Variants in LMBRD1 observed in about 807,000 individuals in gnomAD.
LMBRD1 encodes the protein LMBR1 domain containing 1, also known as lysosomal cobalamin transport escort protein LMBD1.
In LMBRD1, 64 loss-of-function variants were observed where a neutral mutation model predicts 74.8. The observed-to-expected ratio is 0.86, with a 90% CI of 0.70 to 1.05. LMBRD1 has a LOEUF of 1.05. Ranked by LOEUF, LMBRD1 falls within the 50% of genes least tolerant of loss-of-function variation. LMBRD1 has a pLI of 0.00. For missense variants in LMBRD1, 652 were observed against 645.9 expected, an observed-to-expected ratio of 1.01 and a Z score of -0.10; for synonymous variants, 204 against 216.3, an observed-to-expected ratio of 0.94 and a Z score of 0.50.
intron 7 of LMBRD1, among the ~76,000 whole-genome samples, chr6:69,720,677 A>T (rs1766595305): frequency 6.6e-6 from 1 of 152,218 alleles, no homozygotes; most frequent in African/African-American, 2.4e-5. Context: ...ATGAAACAAG[A>T]TGGTGGAATA....
At chr6:69,785,008 C>T (rs1765916651) in intron 2 of LMBRD1, among the ~76,000 whole-genome samples, 1 of 152,152 alleles carries the variant, frequency 6.6e-6, no homozygotes, top group African/African-American at 2.4e-5. Context: ...TTCTTCCTTA[C>T]TTCTCTGTCC....
chr6:69,740,100 C>T lies in LMBRD1; in HGVS notation c.562+1689G>A, dbSNP rs181777067. On this transcript the variant is annotated intron_variant, in intron 6 of 15. Transcript: ENST00000649934. ...TAGCCGGGGTGACAGAGCAAGACTC[C>T]GTCTCAATCAATCAATCAATCAATC... Among the ~76,000 whole-genome samples, 1,167 of 147,098 alleles carry T rather than the reference C, an allele frequency of 7.9e-3. 6 individuals carry two copies. The highest frequency in any genetic ancestry group is 0.02 in the Middle Eastern group (6 of 294).
Position 69,749,398 on chromosome 6 carries a change from G to A in LMBRD1, c.416C>T (p.Thr139Met), listed in dbSNP as rs767657325. ...DDTSKCTQIK[T>M]ALKYTLGFVV... ...AAATCCCAAAGTATACTTGAGTGCC[G>A]TTTTAATTTGCTAGATGCCAAGGAG... Residue 139 changes from threonine (T) to methionine (M), a missense_variant, in exon 5 of 16, where the codon ACG becomes ATG. Thr to Met is a moderately conservative substitution (Grantham distance 81, BLOSUM62 -1). This residue lies in a region of LMBRD1 where 598 missense variants were observed against 581.8 expected (regional missense o/e 1.03). Coordinates refer to ENST00000649934, the MANE Select transcript of LMBRD1 (RefSeq NM_018368.4). 156 of 1,611,254 alleles carry A rather than the reference G, an allele frequency of 9.7e-5. 3 individuals carry two copies. The highest frequency in any genetic ancestry group is 8.8e-4 in the South Asian group (80 of 90,982).
At chr6:69,676,425 T>TCACGCG (rs1246436049) in intron 15 of LMBRD1, 25 bp downstream of exon 15, 1 of 1,601,244 alleles carries the variant, frequency 6.2e-7, no homozygotes, top group Non-Finnish European at 8.6e-7. Flanking sequence ...GAAGGTCAAA[T>TCACGCG]CACGCGTGGG....
intron 7 of LMBRD1, among the ~76,000 whole-genome samples, chr6:69,726,640 T>A (rs1219252079): frequency 6.6e-6 from 1 of 152,086 alleles, no homozygotes; most frequent in Non-Finnish European, 1.5e-5. Flanking sequence ...AAGACAAACA[T>A]CACATGTTCT....
chr6:69,756,956 C>T (rs1765279892), intron 3 of LMBRD1, among the ~76,000 whole-genome samples: 1 of 152,134 alleles, frequency 6.6e-6, no homozygotes, highest in South Asian at 2.1e-4. Flanking sequence ...AGCAGGACCT[C>T]CCTGAAAACA....
At chr6:69,777,222 C>T (rs1207374690) in intron 3 of LMBRD1, among the ~76,000 whole-genome samples, 1 of 151,998 alleles carries the variant, frequency 6.6e-6, no homozygotes, top group Admixed American at 6.5e-5. Context: ...GAGGCTGAGG[C>T]GGGAGGATCA....
At chr6:69,687,616 T>C (rs2149837890) in intron 14 of LMBRD1, among the ~76,000 whole-genome samples, 1 of 152,298 alleles carries the variant, frequency 6.6e-6, no homozygotes, top group Non-Finnish European at 1.5e-5. Flanking sequence ...TGCTTCTCCG[T>C]ATTACTAAAG....
intron 14 of LMBRD1, 132 bp from the exon 15 acceptor site, chr6:69,676,673 C>A: frequency 1.3e-6 from 1 of 765,708 alleles, no homozygotes. Context: ...AGAGATGGTA[C>A]TGAAACTTAG....
At chr6:69,788,496 A>C (rs1463143028) in intron 2 of LMBRD1, among the ~76,000 whole-genome samples, 2 of 152,216 alleles carry the variant, frequency 1.3e-5, no homozygotes, top group Non-Finnish European at 2.9e-5. Flanking sequence ...ACAAAGCGAT[A>C]TACAGAGCCA....
At chr6:69,755,269 T>C (rs1453024550) in intron 3 of LMBRD1, among the ~76,000 whole-genome samples, 1 of 152,212 alleles carries the variant, frequency 6.6e-6, no homozygotes. Flanking sequence ...AATAAGTTCA[T>C]GTCCTTTGCA....
rs11397050 is a variant in LMBRD1 at position 69,779,185 on chromosome 6, C to CAAAAAAAAAAAAAAAA, written c.307+1293_307+1308dup. On this transcript the variant is annotated intron_variant, in intron 3 of 15. Coordinates refer to ENST00000649934, the MANE Select transcript of LMBRD1 (RefSeq NM_018368.4). Reference sequence around the variant, plus strand: ...TGGGCAACAGGGCGAGACTCAGTCTCAAAAAAAAAAAAAAAACAATTCAAT... The same window carrying CAAAAAAAAAAAAAAAA: ...TGGGCAACAGGGCGAGACTCAGTCTCAAAAAAAAAAAAAAAAAAAAAAAAAAAAAAAACAATTCAAT... 1.0e-3 allele frequency among the ~76,000 whole-genome samples: 104 copies of CAAAAAAAAAAAAAAAA among 99,886 alleles called. 1 individual carries two copies. The highest frequency in any genetic ancestry group is 4.2e-3 in the African/African-American group (93 of 22,170). 65.5% of individuals were successfully genotyped at this position (99,886 alleles called of 152,430 possible).
intron 1 of LMBRD1, among the ~76,000 whole-genome samples, chr6:69,792,221 AC>A (rs1416454216): frequency 6.6e-6 from 1 of 152,176 alleles, no homozygotes; most frequent in Non-Finnish European, 1.5e-5. Context: ...CTCCACACTT[AC>A]ACTATTTTCT....
intron 2 of LMBRD1, 46 bp downstream of exon 2, chr6:69,790,250 A>G: frequency 2.2e-6 from 3 of 1,364,364 alleles, no homozygotes; most frequent in Non-Finnish European, 3.1e-6. Context: ...CAAGTGTGCC[A>G]GAAATTTGAA....
intron 8 of LMBRD1, among the ~76,000 whole-genome samples, chr6:69,716,560 C>T (rs1345371649): frequency 6.6e-6 from 1 of 152,036 alleles, no homozygotes; most frequent in South Asian, 2.1e-4. Flanking sequence ...AAAAGGCCTA[C>T]AGATGTTATG....
At chr6:69,789,955 G>A (rs1468522125) in intron 2 of LMBRD1, among the ~76,000 whole-genome samples, 1 of 152,238 alleles carries the variant, frequency 6.6e-6, no homozygotes, top group East Asian at 1.9e-4. Flanking sequence ...ATGAAACGGA[G>A]ATTAGGATCC....
chr6:69,676,489 G>A lies in LMBRD1; in HGVS notation c.1470C>T (p.Phe490=), dbSNP rs1179148918. ...TYLFLHKFWF[F]SAAYYFGNWA... ...AGTTACCAAAATAGTAAGCAGCACT[G>A]AAGAACCAGAACTTGTGAAGGAATA... The change falls in exon 15 of 16, where the codon TTC becomes TTT. Residue 490 remains phenylalanine, a synonymous_variant. Coordinates refer to ENST00000649934, the MANE Select transcript of LMBRD1 (RefSeq NM_018368.4). The A allele has an allele frequency of 1.2e-6, 2 of 1,613,556 alleles. No individual in the cohort carries two copies. The highest frequency in any genetic ancestry group is 1.7e-6 in the Non-Finnish European group (2 of 1,179,666).
At chr6:69,768,599 T>A (rs9446159) in intron 3 of LMBRD1, among the ~76,000 whole-genome samples, 12,200 of 152,000 alleles carry the variant, frequency 0.08, 650 homozygotes, top group Admixed American at 0.15. Context: ...CAATCTTAAA[T>A]CTTTTACAAA....
chr6:69,713,504 G>A, intron 9 of LMBRD1, 141 bp downstream of exon 9: 1 of 783,742 alleles, frequency 1.3e-6, no homozygotes, highest in East Asian at 2.6e-5. Context: ...AAAGAGAGCT[G>A]TGATTTAAAA....
Sources: allele counts gnomAD v4.1 joint callset (sites outside exome capture counted in the v4.1 genomes callset), GRCh38; gene constraint gnomAD v4.1.1; regional missense constraint gnomAD v4.1.1; transcripts MANE v1.5; gene names NCBI Gene and HGNC (gene_info 2026-07-23, HGNC 2026-07-21).